CFAP54: variants seen among roughly 807,000 people sequenced by gnomAD.
CFAP54 encodes the protein cilia- and flagella-associated protein 54.
CFAP54 carries 290 observed loss-of-function variants against 370.4 expected under a neutral mutation model. The ratio of observed to expected loss-of-function variants is 0.78; its 90% CI spans 0.71 to 0.86. CFAP54 has a LOEUF of 0.86. Ranked by LOEUF, CFAP54 falls within the 40% of genes least tolerant of loss-of-function variation. CFAP54 has a pLI of 0.00. For missense variants in CFAP54, 3,399 were observed against 3,528.7 expected (o/e 0.96, Z 0.93); for synonymous variants, 1,206 against 1,236.5 (o/e 0.98, Z 0.52).
intron 67 of CFAP54, among the ~76,000 whole-genome samples, chr12:96,874,612 C>T (rs12827047): frequency 7.5e-5 from 3 of 40,054 alleles, no homozygotes; most frequent in Non-Finnish European, 1.5e-4. Context: ...GGGATCTCTG[C>T]TTTTTTTTAT....
Position 96,518,915 on chromosome 12 carries a change from C to T in CFAP54, c.799-13C>T, listed in dbSNP as rs1341175081. The T allele has an allele frequency of 6.6e-7, 1 of 1,514,396 alleles. No individual in the cohort carries two copies. The highest frequency in any genetic ancestry group is 1.4e-5 in the African/African-American group (1 of 72,426). The allele number at this position is 1,514,396 out of a possible 1,614,324, so 93.8% of individuals were successfully genotyped here. A position where few individuals can be genotyped will look rare whatever the true frequency, so the allele number is the denominator to read the frequency against. ...AAATGAAAACAAATCCAATGGTGCCCTTTATTTTGCAGGCCTTAGAGTATC... is the reference window on the plus strand; with the variant it reads ...AAATGAAAACAAATCCAATGGTGCCTTTTATTTTGCAGGCCTTAGAGTATC... On this transcript the variant is annotated splice_polypyrimidine_tract_variant and intron_variant, in intron 5 of 67. Transcript: ENST00000524981.
intron 1 of CFAP54, among the ~76,000 whole-genome samples, chr12:96,498,736 T>G (rs892799364): frequency 9.9e-5 from 15 of 152,162 alleles, no homozygotes; most frequent in African/African-American, 3.6e-4. Context: ...AGTTTGAATA[T>G]ACATTACCAA....
chr12:96,802,147 G>A (rs953694293), intron 63 of CFAP54, among the ~76,000 whole-genome samples: 4 of 152,134 alleles, frequency 2.6e-5, no homozygotes, highest in African/African-American at 9.6e-5. Context: ...GACCAAGGAG[G>A]GACAAGAAAA....
At chr12:96,782,983 A>G (rs73383028) in intron 60 of CFAP54, among the ~76,000 whole-genome samples, 4,688 of 152,304 alleles carry the variant, frequency 0.031, 241 homozygotes, top group African/African-American at 0.1. Context: ...ATACTACATA[A>G]TAACAAAAAA....
intron 39 of CFAP54, among the ~76,000 whole-genome samples, chr12:96,677,451 A>G (rs1238170828): frequency 6.6e-6 from 1 of 152,188 alleles, no homozygotes; most frequent in Non-Finnish European, 1.5e-5. Flanking sequence ...AAGCTCATGA[A>G]TTCTTCTAAG....
chr12:96,659,767 A>G (rs1214364739), intron 38 of CFAP54, among the ~76,000 whole-genome samples: 1 of 152,230 alleles, frequency 6.6e-6, no homozygotes, highest in African/African-American at 2.4e-5. Context: ...TGACCTGCCC[A>G]AGGGCCCCTG....
intron 43 of CFAP54, among the ~76,000 whole-genome samples, chr12:96,689,383 A>G (rs532029871): frequency 2.6e-5 from 4 of 151,718 alleles, no homozygotes; most frequent in Non-Finnish European, 4.4e-5. Flanking sequence ...CTGGTCTCAA[A>G]CTCCTGACCT....
At chr12:96,660,250 C>A (rs1437406774) in intron 38 of CFAP54, among the ~76,000 whole-genome samples, 1 of 152,144 alleles carries the variant, frequency 6.6e-6, no homozygotes, top group Non-Finnish European at 1.5e-5. Flanking sequence ...GCCTGTATGG[C>A]TGAAGTGTAG....
chr12:96,578,830 T>C (rs1956005580), intron 20 of CFAP54, among the ~76,000 whole-genome samples: 1 of 152,210 alleles, frequency 6.6e-6, no homozygotes, highest in Non-Finnish European at 1.5e-5. Context: ...TCTACTTTTG[T>C]AGTTGAAAAT....
chr12:96,700,237 G>C (rs185890367), intron 46 of CFAP54, 144 bp downstream of exon 46: 11 of 880,036 alleles, frequency 1.2e-5, no homozygotes, highest in Non-Finnish European at 1.7e-5. Context: ...CTAACATCAG[G>C]ATTTTATGAG....
intron 8 of CFAP54, among the ~76,000 whole-genome samples, chr12:96,522,645 A>G (rs1955333350): frequency 6.6e-6 from 1 of 152,186 alleles, no homozygotes; most frequent in Non-Finnish European, 1.5e-5. Context: ...GCAACAAACA[A>G]CACCCGTACC....
intron 66 of CFAP54, among the ~76,000 whole-genome samples, chr12:96,850,723 G>T (rs1055566604): frequency 4.0e-5 from 6 of 150,968 alleles, no homozygotes; most frequent in African/African-American, 9.7e-5. Flanking sequence ...TCACAGTTCT[G>T]CATGGCAGGA....
At chr12:96,630,866 C>A (rs815899) in intron 32 of CFAP54, among the ~76,000 whole-genome samples, 104,784 of 151,790 alleles carry the variant, frequency 0.69, 36,781 homozygotes, top group Middle Eastern at 0.73. Context: ...AGTAAATGAA[C>A]TAATATAGAA....
chr12:96,825,042 C>T (rs1339005741), intron 65 of CFAP54, among the ~76,000 whole-genome samples: 1 of 150,928 alleles, frequency 6.6e-6, no homozygotes, highest in Non-Finnish European at 1.5e-5. Context: ...ACTCCCCCCA[C>T]CCTACGCGCC....
intron 33 of CFAP54, chr12:96,645,629 C>A (rs1956779290): frequency 6.5e-6 from 1 of 153,450 alleles, no homozygotes; most frequent in Non-Finnish European, 1.5e-5. Context: ...CAAAAAAGAG[C>A]CTGCATCGCC....
At chr12:96,819,294 C>T (rs1043594481) in intron 65 of CFAP54, among the ~76,000 whole-genome samples, 1 of 152,092 alleles carries the variant, frequency 6.6e-6, no homozygotes, top group Non-Finnish European at 1.5e-5. Flanking sequence ...GTCACTGTGG[C>T]GGGAGGGAAA....
intron 32 of CFAP54, among the ~76,000 whole-genome samples, chr12:96,636,772 G>A (rs752477386): frequency 2.0e-5 from 3 of 152,104 alleles, no homozygotes; most frequent in African/African-American, 7.2e-5. Context: ...TGACCAACGT[G>A]GTGAAACCCC....
At chr12:96,815,881 G>T (rs750965914) in intron 64 of CFAP54, among the ~76,000 whole-genome samples, 1 of 152,144 alleles carries the variant, frequency 6.6e-6, no homozygotes, top group Non-Finnish European at 1.5e-5. Flanking sequence ...TAGATGTGTG[G>T]TGTTATTTCT....
chr12:96,854,467 G>A (rs1309359872), intron 66 of CFAP54, among the ~76,000 whole-genome samples: 1 of 152,138 alleles, frequency 6.6e-6, no homozygotes, highest in African/African-American at 2.4e-5. Flanking sequence ...GGCAATAAAT[G>A]TTAAGGTGTA....
Sources: allele counts gnomAD v4.1 joint callset (sites outside exome capture counted in the v4.1 genomes callset), GRCh38; gene constraint gnomAD v4.1.1; transcripts MANE v1.5; gene names NCBI Gene and HGNC (gene_info 2026-07-23, HGNC 2026-07-21).